The following UGP2 variants were observed in gnomAD, a reference collection of about 807,000 sequenced individuals.
The protein encoded by UGP2 is UDP-glucose pyrophosphorylase 2.
A neutral mutation model predicts 49.0 loss-of-function variants in UGP2; 40 were observed. The observed-to-expected ratio is 0.82, with a 90% CI of 0.63 to 1.06. The LOEUF is 1.06. Ranked by LOEUF, UGP2 falls within the 50% of genes least tolerant of loss-of-function variation. UGP2 has a pLI of 0.00. For synonymous variants in UGP2, 225 were observed against 213.0 expected, an observed-to-expected ratio of 1.06 and a Z score of -0.49; for missense variants, 460 against 603.5, an observed-to-expected ratio of 0.76 and a Z score of 2.49.
chr2:63,891,065 TAATC>T, intron 9 of UGP2, 51 bp from the exon 10 acceptor site: 1 of 1,483,498 alleles, frequency 6.7e-7, no homozygotes. Context: ...CACTGTAAGA[TAATC>T]AAATTGCATT....
intron 8 of UGP2, 71 bp from the exon 9 acceptor site, chr2:63,890,010 T>C: frequency 8.3e-7 from 1 of 1,209,922 alleles, no homozygotes; most frequent in Non-Finnish European, 1.2e-6. Context: ...TTAAACTTTC[T>C]TGTTAATATT....
chr2:63,873,897 T>C (rs945397084), intron 3 of UGP2, among the ~76,000 whole-genome samples: 45 of 152,354 alleles, frequency 3.0e-4, no homozygotes, highest in Admixed American at 1.4e-3. Context: ...AAACTTGGGC[T>C]TCTCTGTCTG....
intron 8 of UGP2, chr2:63,889,701 A>ACCTAT (rs1671948642): frequency 6.2e-6 from 1 of 161,132 alleles, no homozygotes; most frequent in Non-Finnish European, 1.3e-5. Context: ...TCAGAATCCG[A>ACCTAT]CCTATCCACT....
chr2:63,841,861 G>T, upstream of UGP2: 1 of 272,160 alleles, frequency 3.7e-6, no homozygotes, highest in Non-Finnish European at 7.0e-6. Context: ...CTCTTTCATT[G>T]AAGAAATTTA....
intron 3 of UGP2, among the ~76,000 whole-genome samples, chr2:63,875,966 C>G (rs552752428): frequency 6.6e-6 from 1 of 152,148 alleles, no homozygotes; most frequent in African/African-American, 2.4e-5. Flanking sequence ...ATGTGATGTT[C>G]CCTGTGTTGT....
At chr2:63,848,435 C>T (rs34239752) in intron 1 of UGP2, among the ~76,000 whole-genome samples, 26,708 of 152,172 alleles carry the variant, frequency 0.18, 3,143 homozygotes, top group Non-Finnish European at 0.24. Context: ...GCGATCTTGG[C>T]TCACCACAAC....
At chr2:63,869,218 T>C (rs1308750075) in intron 3 of UGP2, among the ~76,000 whole-genome samples, 2 of 152,160 alleles carry the variant, frequency 1.3e-5, no homozygotes, top group Non-Finnish European at 2.9e-5. Context: ...GTAGAGGTAA[T>C]ATTTTAGATA....
chr2:63,866,348 C>T (rs1670186249), intron 3 of UGP2, among the ~76,000 whole-genome samples: 1 of 152,166 alleles, frequency 6.6e-6, no homozygotes, highest in Admixed American at 6.5e-5. Context: ...AAAACTTTTT[C>T]ATGATTCTAT....
Position 63,856,406 on chromosome 2 carries a change from C to T in UGP2, c.120C>T (p.Leu40=), listed in dbSNP as rs1575811899. Residue 40 remains leucine (L), a synonymous_variant, in exon 2 of 10, where the codon CTC becomes CTT. Transcript: ENST00000337130. The stretch of plus-strand genomic sequence containing the variant: ...TGAAGAAGGAACTAGAAAAAATACT[C>T]ACCACAGCATCATCACATGAATTTG... ...LSVKKELEKI[L]TTASSHEFEH... is the part of the protein sequence containing the mutation. 1.9e-6 allele frequency: 3 copies of T among 1,613,110 alleles called. No individual in the cohort carries two copies. Among genetic ancestry groups the T allele is most frequent in the Non-Finnish European group, 2.5e-6 (3 of 1,180,016 alleles).
chr2:63,884,190 C>G, intron 5 of UGP2, 97 bp downstream of exon 5: 2 of 1,414,862 alleles, frequency 1.4e-6, no homozygotes, highest in South Asian at 2.6e-5. Context: ...GTACAGGTAC[C>G]AAATATTGAT....
At chr2:63,855,918 G>A (rs781423414) in intron 1 of UGP2, 4 of 214,954 alleles carry the variant, frequency 1.9e-5, no homozygotes, top group Non-Finnish European at 2.9e-5. Context: ...AGATCCATCT[G>A]TCACAGAAGT....
In UGP2 at chr2:63,887,631, GT is replaced by G. The variant is rs1420621790; in HGVS notation, c.1303del (p.Ser435LeufsTer9). On this transcript the variant is annotated frameshift_variant, in exon 8 of 10. Transcript: ENST00000337130. LOFTEE classifies it high-confidence loss of function. ...ACAGTGCCCTTGGTTAAATTAGGCA[GT>G]TCTTTTACGAAGGTACGTAACTATA... Reference protein sequence around the residue: ...FPTVPLVKLGSSFTKVQDYLR... With the variant: ...FPTVPLVKLGXSFTKVQDYLR... The G allele has an allele frequency of 1.2e-6, 2 of 1,613,926 alleles. No homozygotes were observed. The highest frequency in any genetic ancestry group is 3.3e-5 in the Admixed American group (2 of 59,974).
chr2:63,859,837 A>T (rs1416581579), intron 3 of UGP2, among the ~76,000 whole-genome samples: 3 of 152,232 alleles, frequency 2.0e-5, no homozygotes, highest in Admixed American at 1.3e-4. Flanking sequence ...CTTAATCTTG[A>T]AAATTTTGGA....
intron 3 of UGP2, chr2:63,862,824 A>G (rs992768670): frequency 2.2e-6 from 1 of 456,312 alleles, no homozygotes; most frequent in Non-Finnish European, 4.4e-6. Context: ...AGTTTCTGAA[A>G]CTTCTTTTGC....
intron 3 of UGP2, among the ~76,000 whole-genome samples, chr2:63,878,093 T>C (rs1671046677): frequency 6.6e-6 from 1 of 151,940 alleles, no homozygotes; most frequent in South Asian, 2.1e-4. Flanking sequence ...ATTGAACTGT[T>C]GTTAGTAAGT....
intron 1 of UGP2, among the ~76,000 whole-genome samples, chr2:63,848,982 C>T (rs1347056779): frequency 3.3e-5 from 5 of 152,120 alleles, no homozygotes; most frequent in African/African-American, 1.2e-4. Context: ...ATCCATTTTA[C>T]AATTAAGGAT....
In UGP2 at chr2:63,881,394, GAACA is replaced by G. The variant is rs1385865038; in HGVS notation, c.256-1069_256-1066del. Among the ~76,000 whole-genome samples, 3 of 151,258 alleles carry G rather than the reference GAACA, an allele frequency of 2.0e-5. No individual in the cohort carries two copies. In the East Asian group the frequency reaches 5.8e-4, roughly 29 times the overall value. ...ACACACACACGTTCCTACGGTAGCAGAACAAATAACAGCTAACATCCACAAAGCA... is the reference window on the plus strand; with the variant it reads ...ACACACACACGTTCCTACGGTAGCAGAATAACAGCTAACATCCACAAAGCA... On this transcript the variant is annotated intron_variant, in intron 3 of 9. Coordinates refer to ENST00000337130, the MANE Select transcript of UGP2 (RefSeq NM_006759.4).
intron 1 of UGP2, among the ~76,000 whole-genome samples, chr2:63,848,173 T>C (rs1250501286): frequency 2.0e-5 from 3 of 152,200 alleles, no homozygotes; most frequent in Admixed American, 1.3e-4. Context: ...TTTGGTTGGA[T>C]AGAATCTCTT....
rs376582788 is a variant in UGP2 at position 63,887,578 on chromosome 2, G to C, written c.1248G>C (p.Leu416=). The change falls in exon 8 of 10, where the codon CTG becomes CTC. Residue 416 remains leucine (L), a synonymous_variant. Transcript: ENST00000337130. The stretch of plus-strand genomic sequence containing the variant: ...TCTATAGTCTTAATGCAGGATCTCT[G>C]ACAATGAGTGAAAAGCGGGAATTTC... ...SNLYSLNAGS[L]TMSEKREFPT... is the part of the protein sequence containing the mutation. 5.6e-6 allele frequency: 9 copies of C among 1,614,020 alleles called. No homozygotes were observed. The African/African-American group carries it at 1.2e-4, about 22-fold the overall frequency.
Sources: gnomAD v4.1 joint callset for allele counts (sites outside exome capture counted in the v4.1 genomes callset) on GRCh38, gnomAD v4.1.1 for gene constraint, MANE v1.5 for transcripts, NCBI Gene and HGNC (gene_info 2026-07-23, HGNC 2026-07-21) for gene names.